DSCAML1: variants seen among roughly 807,000 people sequenced by gnomAD.
The protein encoded by DSCAML1 is cell adhesion molecule DSCAML1.
Under a neutral mutation model 200.5 loss-of-function variants are expected in DSCAML1, and 38 were observed. That is an observed-to-expected ratio of 0.19 (90% CI 0.15 to 0.25). The LOEUF (loss-of-function observed/expected upper bound fraction) is 0.25. DSCAML1 is among the 10% of genes least tolerant of loss of function. The pLI is 1.00. For synonymous variants in DSCAML1, 1,215 were observed against 1,165.0 expected, an observed-to-expected ratio of 1.04 and a Z score of -0.87; for missense variants, 2,223 against 2,858.8, an observed-to-expected ratio of 0.78 and a Z score of 5.07.
chr11:117,631,459 A>G (rs1364676279), intron 3 of DSCAML1, among the ~76,000 whole-genome samples: 1 of 152,170 alleles, frequency 6.6e-6, no homozygotes, highest in African/African-American at 2.4e-5. Flanking sequence ...CACCCCAAAC[A>G]GTCTTCTTAG....
chr11:117,723,959 G>A (rs553058890), intron 3 of DSCAML1, among the ~76,000 whole-genome samples: 4 of 152,304 alleles, frequency 2.6e-5, no homozygotes, highest in Admixed American at 1.3e-4. Flanking sequence ...TACCCTGCTC[G>A]CAGACAGAGA....
At chr11:117,635,427 C>A (rs1246858015) in intron 3 of DSCAML1, among the ~76,000 whole-genome samples, 4 of 150,966 alleles carry the variant, frequency 2.6e-5, no homozygotes, top group Admixed American at 2.0e-4. Context: ...GCTTTAAGTG[C>A]AGAACGTCCT....
chr11:117,812,579 G>T (rs1269022983), intron 1 of DSCAML1, among the ~76,000 whole-genome samples: 3 of 151,798 alleles, frequency 2.0e-5, no homozygotes, highest in Non-Finnish European at 2.9e-5. Context: ...GCTTCACTTG[G>T]ACTGACCCTG....
At position 117,481,384 on chromosome 11, in the gene DSCAML1, G is replaced by A. The variant is rs116436972; in HGVS notation, c.2560-114C>T. On this transcript the variant is annotated intron_variant, in intron 12 of 32. Transcript: ENST00000651296. ...CAGCAAGGCCCTCTTGTTCTGGGAGGGGGACCCACAGGGGCTTTGTCAAGG... is the reference window on the plus strand; with the variant it reads ...CAGCAAGGCCCTCTTGTTCTGGGAGAGGGACCCACAGGGGCTTTGTCAAGG... 2,143 of 1,000,952 alleles carry A rather than the reference G, an allele frequency of 2.1e-3. 29 individuals carry two copies. In the African/African-American group the frequency reaches 0.03, roughly 14 times the overall value. The allele number at this position is 1,000,952 out of a possible 1,614,324, so 62.0% of individuals were successfully genotyped here.
chr11:117,701,867 C>G (rs965305174), intron 3 of DSCAML1, among the ~76,000 whole-genome samples: 3 of 152,202 alleles, frequency 2.0e-5, no homozygotes, highest in African/African-American at 7.2e-5. Flanking sequence ...CCTCATAACC[C>G]CCAGACCTCA....
At position 117,464,949 on chromosome 11, in the gene DSCAML1, C is replaced by T. The variant is rs140450687; in HGVS notation, c.3258G>A (p.Leu1086=). Residue 1086 remains leucine, a synonymous_variant, in exon 17 of 33, where the codon CTG becomes CTA. Transcript: ENST00000651296. ...PSSSEINATT[L]EDVPSQPPEN... ...TTCTGCTGGGGCCCTCACCATCCTC[C>T]AGAGTGGTGGCATTGATCTCGCTGG... 8.7e-6 allele frequency: 14 copies of T among 1,613,784 alleles called. No homozygotes were observed. Among genetic ancestry groups the T allele is most frequent in the South Asian group, 2.2e-5 (2 of 91,054 alleles).
At chr11:117,700,136 C>T (rs603377) in intron 3 of DSCAML1, among the ~76,000 whole-genome samples, 25,975 of 152,176 alleles carry the variant, frequency 0.17, 2,935 homozygotes, top group Admixed American at 0.26. Flanking sequence ...TCTGAATTCA[C>T]GGGGCCTTGG....
At chr11:117,525,808 G>A (rs1453105554) in intron 4 of DSCAML1, among the ~76,000 whole-genome samples, 2 of 152,152 alleles carry the variant, frequency 1.3e-5, no homozygotes, top group Admixed American at 6.5e-5. Flanking sequence ...GTGTCATGAC[G>A]TCTCAAGTTT....
At chr11:117,743,935 C>T (rs1265444193) in intron 3 of DSCAML1, among the ~76,000 whole-genome samples, 1 of 152,202 alleles carries the variant, frequency 6.6e-6, no homozygotes, top group Non-Finnish European at 1.5e-5. Context: ...AACATGTTCA[C>T]TCGTTGGCCT....
chr11:117,760,603 T>A (rs1354765517), intron 3 of DSCAML1, among the ~76,000 whole-genome samples: 2 of 152,272 alleles, frequency 1.3e-5, no homozygotes, highest in Non-Finnish European at 2.9e-5. Flanking sequence ...ATAACATATT[T>A]AATGTGCCAA....
intron 3 of DSCAML1, among the ~76,000 whole-genome samples, chr11:117,564,749 C>T (rs1477222046): frequency 6.8e-6 from 1 of 147,178 alleles, no homozygotes; most frequent in Non-Finnish European, 1.5e-5. Context: ...TCTTTCTTCT[C>T]TCTCTCTCTT....
chr11:117,577,322 C>G (rs982573193), intron 3 of DSCAML1, among the ~76,000 whole-genome samples: 4 of 152,172 alleles, frequency 2.6e-5, no homozygotes, highest in Non-Finnish European at 5.9e-5. Flanking sequence ...TTTTAAAAAG[C>G]TCTACAGTGA....
chr11:117,523,947 C>G (rs550945314), intron 5 of DSCAML1, among the ~76,000 whole-genome samples: 1 of 152,338 alleles, frequency 6.6e-6, no homozygotes, highest in African/African-American at 2.4e-5. Flanking sequence ...GCAGGGAACT[C>G]AGAGAGTCAG....
chr11:117,779,045 G>A (rs887441455), intron 2 of DSCAML1, among the ~76,000 whole-genome samples: 5 of 152,204 alleles, frequency 3.3e-5, no homozygotes, highest in African/African-American at 9.7e-5. Flanking sequence ...TATGAGAGGT[G>A]TACCTAAGGG....
At chr11:117,755,667 T>G (rs1037573196) in intron 3 of DSCAML1, among the ~76,000 whole-genome samples, 3 of 152,234 alleles carry the variant, frequency 2.0e-5, no homozygotes, top group Non-Finnish European at 4.4e-5. Context: ...TTCTTGGTTT[T>G]GTTTTTTAAC....
intron 3 of DSCAML1, among the ~76,000 whole-genome samples, chr11:117,649,041 A>ATGTG (rs58257943): frequency 2.3e-3 from 318 of 137,896 alleles, no homozygotes; most frequent in South Asian, 0.012. Flanking sequence ...CTCCATATAT[A>ATGTG]TGTGTGTGTG....
intron 4 of DSCAML1, among the ~76,000 whole-genome samples, chr11:117,530,304 G>T (rs2050052072): frequency 6.6e-6 from 1 of 152,290 alleles, no homozygotes; most frequent in African/African-American, 2.4e-5. Flanking sequence ...AGAGGATGAA[G>T]GGGCCAAATA....
intron 3 of DSCAML1, among the ~76,000 whole-genome samples, chr11:117,725,177 C>G (rs961654291): frequency 1.2e-4 from 18 of 152,348 alleles, no homozygotes; most frequent in Non-Finnish European, 1.2e-4. Context: ...CTTCCCCAGG[C>G]ATAGCTGGGC....
chr11:117,775,185 C>G (rs1251755521), intron 3 of DSCAML1, among the ~76,000 whole-genome samples: 1 of 152,164 alleles, frequency 6.6e-6, no homozygotes, highest in African/African-American at 2.4e-5. Context: ...ATGGTCCCTG[C>G]CTGAATGATT....
Sources: allele counts gnomAD v4.1 joint callset (sites outside exome capture counted in the v4.1 genomes callset), GRCh38; gene constraint gnomAD v4.1.1; transcripts MANE v1.5; gene names NCBI Gene and HGNC (gene_info 2026-07-23, HGNC 2026-07-21).